BRD1: variants seen among roughly 807,000 people sequenced by gnomAD.
The protein encoded by BRD1 is bromodomain-containing protein 1.
In BRD1, 24 loss-of-function variants were observed where a neutral mutation model predicts 107.7. The observed-to-expected ratio is 0.22, with a 90% confidence interval of 0.16 to 0.31. The LOEUF (loss-of-function observed/expected upper bound fraction) is 0.31. Among genes scored for constraint, BRD1 ranks in the 10% least tolerant of loss-of-function variants. BRD1 has a pLI of 1.00. For missense variants in BRD1, 1,279 were observed against 1,638.6 expected (o/e 0.78, Z 3.79); for synonymous variants, 744 against 686.1 (o/e 1.08, Z -1.32).
rs1310757066 is a variant in BRD1, at chr22:49,777,221, GCTTCGT to G, written c.2994-66_2994-61del. On this transcript the variant is annotated intron_variant, in intron 9 of 12. Transcript: ENST00000404760. ...CGCCCCTGCCTTCAGCCTCACTCGG[GCTTCGT>G]CCCGTGAGCTGTCCGCCACCAAGCT... is the stretch of plus-strand genomic sequence containing the variant. 4 of 1,595,998 alleles carry G rather than the reference GCTTCGT, an allele frequency of 2.5e-6. No individual in the cohort carries two copies. The East Asian group carries it at 9.0e-5, about 36-fold the overall frequency.
chr22:49,800,266 C>G (rs1344396484), intron 3 of BRD1, among the ~76,000 whole-genome samples: 2 of 152,192 alleles, frequency 1.3e-5, no homozygotes, highest in Non-Finnish European at 2.9e-5. Context: ...CGCACCCCCA[C>G]CCCCAAGGCC....
intron 1 of BRD1, among the ~76,000 whole-genome samples, chr22:49,826,781 G>A (rs1337105235): frequency 2.0e-5 from 3 of 152,224 alleles, no homozygotes; most frequent in African/African-American, 7.2e-5. Context: ...GACACGGGCG[G>A]CCGCGCTTTC....
chr22:49,788,820 G>A (rs941155107), intron 7 of BRD1, among the ~76,000 whole-genome samples: 1 of 152,190 alleles, frequency 6.6e-6, no homozygotes, highest in African/African-American at 2.4e-5. Context: ...ATTATTTAAA[G>A]TGACATAAAA....
At chr22:49,789,768 C>A (rs535060772) in intron 7 of BRD1, among the ~76,000 whole-genome samples, 1 of 152,360 alleles carries the variant, frequency 6.6e-6, no homozygotes, top group East Asian at 1.9e-4. Flanking sequence ...CTCAGAACCA[C>A]CACTCCTGTC....
At chr22:49,791,450 CTG>C (rs1261505573) in intron 7 of BRD1, among the ~76,000 whole-genome samples, 2 of 152,210 alleles carry the variant, frequency 1.3e-5, no homozygotes, top group Non-Finnish European at 2.9e-5. Flanking sequence ...TTAAGTGAGA[CTG>C]TGTATTTGCC....
At chr22:49,781,110 C>CACA (rs1272586687) in intron 8 of BRD1, among the ~76,000 whole-genome samples, 46 of 152,298 alleles carry the variant, frequency 3.0e-4, no homozygotes, top group African/African-American at 7.9e-4. Context: ...AGGAGCTGCA[C>CACA]GGAATTCCCA....
At chr22:49,826,265 G>T in intron 1 of BRD1, 2 of 985,364 alleles carry the variant, frequency 2.0e-6, no homozygotes, top group Non-Finnish European at 2.4e-6. Context: ...GCTCTTCATC[G>T]CAACACTTTC....
intron 6 of BRD1, among the ~76,000 whole-genome samples, chr22:49,795,316 C>T (rs528308316): frequency 2.6e-5 from 4 of 152,192 alleles, no homozygotes; most frequent in Non-Finnish European, 4.4e-5. Context: ...AGGTGTCGGC[C>T]GTGCTGAGAA....
At chr22:49,815,765 G>A (rs894931777) in intron 2 of BRD1, among the ~76,000 whole-genome samples, 7 of 152,180 alleles carry the variant, frequency 4.6e-5, no homozygotes, top group Admixed American at 2.0e-4. Flanking sequence ...GAGAGCAGGC[G>A]CTCCTGCAGG....
intron 8 of BRD1, among the ~76,000 whole-genome samples, chr22:49,784,721 G>A (rs2059288793): frequency 6.6e-6 from 1 of 152,216 alleles, no homozygotes; most frequent in South Asian, 2.1e-4. Context: ...TGCAGCTCTG[G>A]GCAAGAAATC....
chr22:49,791,986 G>A (rs544917344), intron 7 of BRD1, among the ~76,000 whole-genome samples: 3 of 152,216 alleles, frequency 2.0e-5, no homozygotes, highest in African/African-American at 7.2e-5. Flanking sequence ...GAGCTACAAA[G>A]CAACAAAAAT....
In BRD1 at chr22:49,795,383, C is replaced by A. The variant is rs111448936; in HGVS notation, c.2099-1089G>T. 8.8e-3 allele frequency among the ~76,000 whole-genome samples: 1,338 copies of A among 151,812 alleles called. 16 individuals carry two copies. Among genetic ancestry groups the A allele is most frequent in the South Asian group, 0.026 (125 of 4,830 alleles). On this transcript the variant is annotated intron_variant, in intron 6 of 12. Transcript: ENST00000404760. ...GGCCACTGGCTCACCTGTGCACTCC[C>A]AAATACTGAGAAAGAAAGAAACCAG...
In BRD1 at chr22:49,824,312, C is replaced by T; in HGVS notation, c.6G>A (p.Arg2=). 6.2e-7 allele frequency: 1 copy of T among 1,611,878 alleles called. No individual in the cohort carries two copies. The highest frequency in any genetic ancestry group is 1.3e-5 in the African/African-American group (1 of 74,984). ...AGCCTCGATGACATCGTCCTTTCCT[C>T]CTCATTTGGTAATGATTACCTAAAA... M[R]RKGRCHRGSA... is the part of the protein sequence containing the mutation. The change falls in exon 2 of 13, where the codon AGG becomes AGA. Residue 2 remains arginine, a synonymous_variant. Transcript: ENST00000404760. This position sits in a 1 kb window ranked among gnomAD's most constrained non-coding sequence, Gnocchi z 5.9.
chr22:49,798,639 C>T lies in BRD1; in HGVS notation c.1704G>A (p.Thr568=), dbSNP rs750979921. ...GGTCCAGCACTGAGCGCAGCAGCAC[C>T]GTCAGCGGGGTCAGCCGCAGCTCCA... is the stretch of plus-strand genomic sequence containing the variant. The part of the protein sequence containing the change: ...VAMELRLTPL[T]VLLRSVLDQL... The change falls in exon 5 of 13, where the codon ACG becomes ACA. Residue 568 remains threonine, a synonymous_variant. Transcript: ENST00000404760. 25 of 1,613,292 alleles carry T rather than the reference C, an allele frequency of 1.5e-5. No individual in the cohort carries two copies. The Admixed American group carries it at 2.0e-4, about 13-fold the overall frequency.
intron 7 of BRD1, among the ~76,000 whole-genome samples, chr22:49,793,479 A>AGCT (rs1275102306): frequency 1.3e-5 from 2 of 152,142 alleles, no homozygotes; most frequent in Non-Finnish European, 2.9e-5. Context: ...GCTACCTACC[A>AGCT]ACTCTGCAGA....
chr22:49,788,046 G>T (rs537750347), intron 7 of BRD1, among the ~76,000 whole-genome samples, 159 bp from the exon 8 acceptor site: 2 of 152,332 alleles, frequency 1.3e-5, no homozygotes, highest in East Asian at 3.9e-4. Context: ...CCGTGGGCTC[G>T]GGCCACACTG....
intron 2 of BRD1, chr22:49,805,675 A>T (rs1476844593): frequency 6.6e-6 from 1 of 151,014 alleles, no homozygotes; most frequent in African/African-American, 2.5e-5. Context: ...TGTTTTTACC[A>T]CTTGGGACTG....
At chr22:49,798,430 G>A (rs1262621476) in intron 5 of BRD1, 128 bp downstream of exon 5, 47 of 1,461,582 alleles carry the variant, frequency 3.2e-5, no homozygotes, top group Non-Finnish European at 4.1e-5. Context: ...AAACAAATAC[G>A]TTAAATAAAA....
chr22:49,818,106 T>C (rs1601734099), intron 2 of BRD1: 1 of 637,554 alleles, frequency 1.6e-6, no homozygotes, highest in Non-Finnish European at 2.0e-6. Context: ...TTCATCCTTT[T>C]AAACTCAAAA....
Sources: allele counts gnomAD v4.1 joint callset (sites outside exome capture counted in the v4.1 genomes callset), GRCh38; gene constraint gnomAD v4.1.1; non-coding constraint Gnocchi (gnomAD v3.1); transcripts MANE v1.5; gene names NCBI Gene and HGNC (gene_info 2026-07-23, HGNC 2026-07-21).